The following CDKL5 variants were observed in gnomAD, a reference collection of about 807,000 sequenced individuals.
The protein encoded by CDKL5 is cyclin-dependent kinase-like 5.
CDKL5 carries 8 observed loss-of-function variants against 61.7 expected under a neutral mutation model. The ratio of observed to expected loss-of-function variants is 0.13; its 90% CI spans 0.08 to 0.23. The LOEUF (loss-of-function observed/expected upper bound fraction) is 0.23. Ranked by LOEUF, CDKL5 falls within the 10% of genes least tolerant of loss-of-function variation. CDKL5 has a pLI of 1.00. For synonymous variants in CDKL5, 275 were observed against 272.3 expected (o/e 1.01, Z -0.10); for missense variants, 440 against 734.5 (o/e 0.60, Z 4.63).
intron 1 of CDKL5, among the ~76,000 whole-genome samples, chrX:18,503,247 A>C (rs1922453068): frequency 8.9e-6 from 1 of 112,571 alleles, no homozygotes. Flanking sequence ...GCAATGGCAC[A>C]ATCTTGGCTT....
In CDKL5 at chrX:18,635,484, A is replaced by G; in HGVS notation, c.*6727A>G. 2.7e-6 allele frequency: 2 copies of G among 754,556 alleles called. No homozygotes were observed. Among genetic ancestry groups the G allele is most frequent in the Non-Finnish European group, 3.1e-6 (2 of 639,351 alleles). 62.2% of individuals were successfully genotyped at this position (754,556 alleles called of 1,213,427 possible). On this transcript the variant is annotated 3_prime_UTR_variant, in exon 18 of 18. Transcript: ENST00000623535. The stretch of plus-strand genomic sequence containing the variant: ...GCTCCATTTTAGTTCCTTCTTGGGA[A>G]GAAAGAATGCATTCGAATTCAAATG...
At chrX:18,652,529 C>T (rs917874780) in intron 21 of CDKL5, among the ~76,000 whole-genome samples, 2 of 111,272 alleles carry the variant, frequency 1.8e-5, no homozygotes, top group African/African-American at 6.5e-5. Flanking sequence ...ATTAGCCGAG[C>T]GCAGTGGTTG....
At chrX:18,563,206 C>A (rs1924859924) in intron 3 of CDKL5, among the ~76,000 whole-genome samples, 1 of 111,732 alleles carries the variant, frequency 8.9e-6, no homozygotes, top group Non-Finnish European at 1.9e-5. Context: ...TATGGTCTGT[C>A]CTTTCAGTTA....
At chrX:18,545,617 G>A (rs1343248654) in intron 3 of CDKL5, among the ~76,000 whole-genome samples, 1 of 112,338 alleles carries the variant, frequency 8.9e-6, no homozygotes, top group African/African-American at 3.2e-5. Context: ...TTGAAATGTA[G>A]AATCAAAGTT....
In CDKL5 at chrX:18,629,114, C is replaced by T; in HGVS notation, c.*357C>T. 1 of 799,635 alleles carries T rather than the reference C, an allele frequency of 1.3e-6. No homozygotes were observed. Among genetic ancestry groups the T allele is most frequent in the African/African-American group, 2.2e-5 (1 of 45,572 alleles). 65.9% of individuals were successfully genotyped at this position (799,635 alleles called of 1,213,427 possible). On this transcript the variant is annotated 3_prime_UTR_variant, in exon 18 of 18. Coordinates refer to ENST00000623535, the MANE Select transcript of CDKL5 (RefSeq NM_001323289.2). Reference sequence around the variant, plus strand: ...GGGAATGCCAGGATGTGTCCTGGCACTGCAAGGGATAGGAAAGTCGTGTTG... The same window carrying T: ...GGGAATGCCAGGATGTGTCCTGGCATTGCAAGGGATAGGAAAGTCGTGTTG...
intron 16 of CDKL5, among the ~76,000 whole-genome samples, chrX:18,622,229 A>T (rs1320527265): frequency 8.9e-6 from 1 of 112,288 alleles, no homozygotes; most frequent in Non-Finnish European, 1.9e-5. Flanking sequence ...CCATTCTCTA[A>T]CATCCTCTCG....
rs1927173826 is a variant in CDKL5 at position 18,629,477 on chromosome X, T to C, written c.*720T>C. 9.1e-6 allele frequency: 5 copies of C among 551,526 alleles called. No individual in the cohort carries two copies. In the South Asian group the frequency reaches 4.8e-4, roughly 53 times the overall value. The allele number at this position is 551,526 out of a possible 1,213,427, so 45.5% of individuals were successfully genotyped here. On this transcript the variant is annotated 3_prime_UTR_variant, in exon 18 of 18. Coordinates refer to ENST00000623535, the MANE Select transcript of CDKL5 (RefSeq NM_001323289.2). ...ATATAATATATATATATGGTAAATA[T>C]CTGTTTTATAAATATATTCATTTAA... is the stretch of plus-strand genomic sequence containing the variant.
In CDKL5 at chrX:18,631,892, C is replaced by T; in HGVS notation, c.*3135C>T. On this transcript the variant is annotated 3_prime_UTR_variant, in exon 18 of 18. Coordinates refer to ENST00000623535, the MANE Select transcript of CDKL5 (RefSeq NM_001323289.2). ...GAGCTGACTCTACAACTGTGGTTCT[C>T]AACTAGGGGCAGATTTACCCCCAAG... 1.3e-6 allele frequency: 1 copy of T among 747,075 alleles called. No homozygotes were observed. 61.6% of individuals were successfully genotyped at this position (747,075 alleles called of 1,213,427 possible). A position where few individuals can be genotyped will look rare whatever the true frequency, so the allele number is the denominator to read the frequency against.
intron 17 of CDKL5, chrX:18,627,542 T>C (rs1258327467): frequency 9.0e-6 from 1 of 110,824 alleles, no homozygotes; most frequent in Non-Finnish European, 1.9e-5. Context: ...GCTCAGGAAT[T>C]GTCCAGTGAG....
chrX:18,607,256 G>A (rs747789701), intron 12 of CDKL5, among the ~76,000 whole-genome samples: 1 of 111,503 alleles, frequency 9.0e-6, no homozygotes, highest in South Asian at 3.8e-4. Context: ...GAAAGCAAGA[G>A]GTGCCCATTT....
intron 3 of CDKL5, among the ~76,000 whole-genome samples, chrX:18,512,141 T>C (rs1922850493): frequency 8.9e-6 from 1 of 112,163 alleles, no homozygotes; most frequent in Non-Finnish European, 1.9e-5. Flanking sequence ...AACTTTCAGA[T>C]GGCAAGTGTT....
Position 18,631,310 on chromosome X carries a change from G to A in CDKL5, c.*2553G>A, listed in dbSNP as rs376509227. ...ACAAATGTTTTCAACCAGTGTTTTC[G>A]AGGTAGCTCTTTAATCCTCTTCTCA... On this transcript the variant is annotated 3_prime_UTR_variant, in exon 18 of 18. Coordinates refer to ENST00000623535, the MANE Select transcript of CDKL5 (RefSeq NM_001323289.2). 3 of 752,202 alleles carry A rather than the reference G, an allele frequency of 4.0e-6. No individual in the cohort carries two copies. The highest frequency in any genetic ancestry group is 1.6e-6 in the Non-Finnish European group (1 of 638,402). 62.0% of individuals were successfully genotyped at this position (752,202 alleles called of 1,213,427 possible).
chrX:18,507,890 T>C (rs1161277069), intron 2 of CDKL5, among the ~76,000 whole-genome samples: 1 of 112,079 alleles, frequency 8.9e-6, no homozygotes, highest in Non-Finnish European at 1.9e-5. Flanking sequence ...TCAGGGTGTA[T>C]CTTATAATCA....
In CDKL5 at chrX:18,625,266, A is replaced by C; in HGVS notation, c.2496+19A>C. ...GACCCAAGTGAGTGGATCCTGCACC[A>C]CTGCTAGACTCTCCAACTCTCCAGT... On this transcript the variant is annotated intron_variant, in intron 17 of 17. Coordinates refer to ENST00000623535, the MANE Select transcript of CDKL5 (RefSeq NM_001323289.2). 1 of 1,206,169 alleles carries C rather than the reference A, an allele frequency of 8.3e-7. No individual in the cohort carries two copies. The highest frequency in any genetic ancestry group is 1.1e-6 in the Non-Finnish European group (1 of 892,536).
In CDKL5 at chrX:18,639,312, C is replaced by G. The variant is rs2147186385; in HGVS notation, c.*10555C>G. The stretch of plus-strand genomic sequence containing the variant: ...AGGGAATTAGAATATACAAAGAATT[C>G]TTAAACTCAGTAAGTTGTAAGCCGA... On this transcript the variant is annotated 3_prime_UTR_variant, in exon 18 of 18. Coordinates refer to ENST00000623535, the MANE Select transcript of CDKL5 (RefSeq NM_001323289.2). Among the ~76,000 whole-genome samples the G allele has an allele frequency of 8.9e-6, 1 of 112,562 alleles. No homozygotes were observed. Among genetic ancestry groups the G allele is most frequent in the African/African-American group, 3.2e-5 (1 of 31,085 alleles).
At chrX:18,466,388 T>C (rs1033979590) in intron 1 of CDKL5, among the ~76,000 whole-genome samples, 2 of 111,929 alleles carry the variant, frequency 1.8e-5, no homozygotes, top group Non-Finnish European at 3.8e-5. Context: ...TAAAATTTAA[T>C]TTTTTTTGAG....
chrX:18,552,237 C>CAA (rs777290725), intron 3 of CDKL5, among the ~76,000 whole-genome samples: 4 of 38,749 alleles, frequency 1.0e-4, no homozygotes, highest in Non-Finnish European at 1.5e-4. Context: ...GACTCCGTCT[C>CAA]AAAAAAAAAA....
At chrX:18,609,379 G>A (rs751976964) in intron 13 of CDKL5, 86 bp from the exon 14 acceptor site, 62 of 1,194,463 alleles carry the variant, frequency 5.2e-5, no homozygotes, top group Non-Finnish European at 6.7e-5. Flanking sequence ...GGGCAATAGA[G>A]TGAGACCCTG....
chrX:18,469,458 G>C (rs1468100496), intron 1 of CDKL5, among the ~76,000 whole-genome samples: 3 of 107,602 alleles, frequency 2.8e-5, no homozygotes, highest in African/African-American at 6.8e-5. Context: ...AGACCAGCCT[G>C]ACCAACATGG....
Sources: gnomAD v4.1 joint callset for allele counts (sites outside exome capture counted in the v4.1 genomes callset) on GRCh38, gnomAD v4.1.1 for gene constraint, MANE v1.5 for transcripts, NCBI Gene and HGNC (gene_info 2026-07-23, HGNC 2026-07-21) for gene names.